Variants in CHIC2 observed in about 807,000 individuals in gnomAD.
CHIC2 encodes the protein cysteine rich hydrophobic domain 2, also known as cysteine-rich hydrophobic domain-containing protein 2.
A neutral mutation model predicts 25.9 loss-of-function variants in CHIC2; 14 were observed. That is an observed-to-expected ratio of 0.54 (90% CI 0.36 to 0.85). The LOEUF is 0.85. Ranked by LOEUF, CHIC2 falls within the 40% of genes least tolerant of loss-of-function variation. The pLI is 0.01. For missense variants in CHIC2, 146 were observed against 202.0 expected, an observed-to-expected ratio of 0.72 and a Z score of 1.68; for synonymous variants, 70 against 72.0, an observed-to-expected ratio of 0.97 and a Z score of 0.14.
At chr4:54,071,834 C>T in the CHIC2 span, among the ~76,000 whole-genome samples, 6 of 151,230 alleles carry the variant, frequency 4.0e-5, no homozygotes, top group South Asian at 6.3e-4. Context: ...AAATGGATGG[C>T]TACATGTATA....
At chr4:54,047,094 A>G (rs1716852717) in intron 3 of CHIC2, among the ~76,000 whole-genome samples, 1 of 152,190 alleles carries the variant, frequency 6.6e-6, no homozygotes, top group Non-Finnish European at 1.5e-5. Context: ...CAAAACCACA[A>G]AGAGATACCA....
intron 1 of CHIC2, among the ~76,000 whole-genome samples, chr4:54,049,757 G>A (rs1716945562): frequency 6.6e-6 from 1 of 152,106 alleles, no homozygotes; most frequent in Non-Finnish European, 1.5e-5. Context: ...GAAAAAGAGT[G>A]AGGAGGGGAA....
chr4:54,054,068 G>A (rs561621587), intron 1 of CHIC2, among the ~76,000 whole-genome samples: 12 of 152,320 alleles, frequency 7.9e-5, no homozygotes, highest in African/African-American at 2.9e-4. Flanking sequence ...GATTACAGGC[G>A]TGAGCCACTA....
intron 3 of CHIC2, among the ~76,000 whole-genome samples, chr4:54,039,186 A>G (rs1402377895): frequency 6.6e-6 from 1 of 152,176 alleles, no homozygotes; most frequent in Non-Finnish European, 1.5e-5. Context: ...GGTTTAGGCA[A>G]ATTCTTAGAT....
At chr4:54,026,002 A>G (rs1204139583) in intron 3 of CHIC2, among the ~76,000 whole-genome samples, 1 of 152,208 alleles carries the variant, frequency 6.6e-6, no homozygotes, top group African/African-American at 2.4e-5. Context: ...GTCTGATCCC[A>G]TGTTGTGTCT....
chr4:54,057,797 A>T (rs909322087), intron 1 of CHIC2, among the ~76,000 whole-genome samples: 1 of 152,198 alleles, frequency 6.6e-6, no homozygotes, highest in African/African-American at 2.4e-5. Flanking sequence ...AAACAAAATA[A>T]ATATTGTAAA....
chr4:54,032,309 A>ATGCCGAGCCC (rs1489564130), intron 3 of CHIC2, among the ~76,000 whole-genome samples: 1 of 112,684 alleles, frequency 8.9e-6, no homozygotes, highest in Non-Finnish European at 1.6e-5. Context: ...TCTCCCTCTG[A>ATGCCGAGCCC]TGCCGAGCCG....
At chr4:54,053,683 T>A (rs1717078121) in intron 1 of CHIC2, among the ~76,000 whole-genome samples, 1 of 152,050 alleles carries the variant, frequency 6.6e-6, no homozygotes, top group Non-Finnish European at 1.5e-5. Context: ...TTCTGCAGTG[T>A]TATTTTAGGG....
Position 54,048,962 on chromosome 4 carries a change from C to G in CHIC2, c.323G>C (p.Ser108Thr), listed in dbSNP as rs1428946832. The change falls in exon 3 of 6, where the codon AGT becomes ACT. Residue 108 changes from serine to threonine, a missense_variant. Transcript: ENST00000263921. ...ATATATAATTCAACTTACTCTTTTA[C>G]TGAGGCAAATAACTGGCCACATACT... is the stretch of plus-strand genomic sequence containing the variant. ...GCSMWPVICL[S>T]KRTRRSIEKL... 1 of 1,552,584 alleles carries G rather than the reference C, an allele frequency of 6.4e-7. No individual in the cohort carries two copies. Among genetic ancestry groups the G allele is most frequent in the South Asian group, 1.2e-5 (1 of 81,600 alleles).
chr4:54,064,737 G>C, upstream of CHIC2: 5 of 807,116 alleles, frequency 6.2e-6, no homozygotes, highest in Non-Finnish European at 7.5e-6. This position sits in a 1 kb window ranked among gnomAD's most constrained non-coding sequence, Gnocchi z 4.2. Context: ...GGGCGGGCGC[G>C]CGCACGTGCG....
chr4:54,033,093 A>G (rs1024792157), intron 3 of CHIC2, among the ~76,000 whole-genome samples: 14 of 152,212 alleles, frequency 9.2e-5, no homozygotes, highest in African/African-American at 3.4e-4. Flanking sequence ...CCTCCCCAGA[A>G]GCTGAGCAGA....
upstream of CHIC2, among the ~76,000 whole-genome samples, chr4:54,066,150 A>G (rs567294461): frequency 6.8e-4 from 104 of 152,288 alleles, no homozygotes; most frequent in Non-Finnish European, 1.2e-4. Flanking sequence ...CTGGTGTTTA[A>G]CAATGTGTGT....
the CHIC2 span, chr4:54,087,611 T>C: frequency 1.5e-6 from 1 of 669,440 alleles, no homozygotes; most frequent in East Asian, 3.0e-5. Flanking sequence ...CTACTGAGGT[T>C]ATTTGTAAGA....
chr4:54,073,642 A>G, the CHIC2 span, among the ~76,000 whole-genome samples: 1 of 152,138 alleles, frequency 6.6e-6, no homozygotes, highest in Non-Finnish European at 1.5e-5. Flanking sequence ...CAGACCACCC[A>G]GCCATTCACC....
At chr4:54,014,949 GA>G (rs995860570) in intron 3 of CHIC2, among the ~76,000 whole-genome samples, 5 of 151,782 alleles carry the variant, frequency 3.3e-5, no homozygotes, top group African/African-American at 1.2e-4. Context: ...GCAAGAGAAA[GA>G]AAAAAACATC....
At chr4:54,088,030 T>C in the CHIC2 span, among the ~76,000 whole-genome samples, 1 of 152,326 alleles carries the variant, frequency 6.6e-6, no homozygotes, top group South Asian at 2.1e-4. Flanking sequence ...TGGAACATTT[T>C]ATTGCCTAGT....
chr4:54,061,984 G>C (rs1717348576), intron 1 of CHIC2, among the ~76,000 whole-genome samples: 1 of 152,082 alleles, frequency 6.6e-6, no homozygotes, highest in Non-Finnish European at 1.5e-5. Context: ...CTGAGGAGGA[G>C]AATAATAAAA....
At chr4:54,084,810 A>G in the CHIC2 span, among the ~76,000 whole-genome samples, 1 of 151,922 alleles carries the variant, frequency 6.6e-6, no homozygotes, top group African/African-American at 2.4e-5. Context: ...AGTATAAAAA[A>G]TTAGTCAGGC....
rs1715523727 is a variant in CHIC2, at chr4:54,009,867, G to T, written c.*228C>A. 2.7e-6 allele frequency: 1 copy of T among 372,166 alleles called. No homozygotes were observed. Among genetic ancestry groups the T allele is most frequent in the Admixed American group, 4.5e-5 (1 of 22,256 alleles). The allele number at this position is 372,166 out of a possible 1,614,324, so 23.1% of individuals were successfully genotyped here. ...GAAAATCAGAATACATAACAGAAAA[G>T]AGCACAATAACTTAAGTATTAAACA... is the stretch of plus-strand genomic sequence containing the variant. On this transcript the variant is annotated 3_prime_UTR_variant, in exon 6 of 6. Transcript: ENST00000263921.
Sources: allele counts gnomAD v4.1 joint callset (sites outside exome capture counted in the v4.1 genomes callset), GRCh38; gene constraint gnomAD v4.1.1; non-coding constraint Gnocchi (gnomAD v3.1); transcripts MANE v1.5; gene names NCBI Gene and HGNC (gene_info 2026-07-23, HGNC 2026-07-21).